ANKRD31: variants seen among roughly 807,000 people sequenced by gnomAD.
ANKRD31 encodes the protein ankyrin repeat domain-containing protein 31.
ANKRD31 carries 147 observed loss-of-function variants against 186.0 expected under a neutral mutation model. That is an observed-to-expected ratio of 0.79 (90% CI 0.69 to 0.91). The LOEUF (loss-of-function observed/expected upper bound fraction) is 0.91, where lower values mean the gene tolerates loss of function less well. Among genes scored for constraint, ANKRD31 ranks in the 40% least tolerant of loss-of-function variants. The pLI is 0.00. For synonymous variants in ANKRD31, 673 were observed against 736.4 expected (o/e 0.91, Z 1.39); for missense variants, 1,986 against 2,148.8 (o/e 0.92, Z 1.50).
chr5:75,236,639 C>G lies in ANKRD31; in HGVS notation c.48G>C (p.Val16=). The G allele has an allele frequency of 6.5e-7, 1 of 1,537,356 alleles. No homozygotes were observed. The highest frequency in any genetic ancestry group is 1.4e-5 in the African/African-American group (1 of 73,136). ...QAPDWDSDET[V]IEGSVTESDL... ...CGCTCTCCGTCACTGAACCCTCTAT[C>G]ACAGTTTCATCACTGTCCCAGTCTG... The change falls in exon 1 of 26, where the codon GTG becomes GTC. Residue 16 remains valine, a synonymous_variant. Coordinates refer to ENST00000506364, the MANE Select transcript of ANKRD31 (RefSeq NM_001372053.1).
At chr5:75,197,972 C>G (rs1393428964) in intron 6 of ANKRD31, among the ~76,000 whole-genome samples, 1 of 152,096 alleles carries the variant, frequency 6.6e-6, no homozygotes, top group Non-Finnish European at 1.5e-5. Flanking sequence ...GCAGCCAGAA[C>G]CTTGAACCAA....
intron 25 of ANKRD31, among the ~76,000 whole-genome samples, chr5:75,077,232 C>A (rs1222009907): frequency 1.3e-5 from 2 of 152,070 alleles, no homozygotes; most frequent in African/African-American, 2.4e-5. Flanking sequence ...CCATGCCCAG[C>A]CAATTTTTCC....
At chr5:75,156,459 G>A (rs538700017) in intron 11 of ANKRD31, among the ~76,000 whole-genome samples, 7 of 152,250 alleles carry the variant, frequency 4.6e-5, no homozygotes, top group East Asian at 1.9e-4. Flanking sequence ...AAGTTCCTCC[G>A]CACTTATCGT....
At chr5:75,118,344 A>AAACAG in intron 17 of ANKRD31, 47 bp from the exon 18 acceptor site, 1 of 1,334,170 alleles carries the variant, frequency 7.5e-7, no homozygotes, top group Non-Finnish European at 9.7e-7. Flanking sequence ...CCAAAGATGA[A>AAACAG]TAATTTCTGT....
In ANKRD31 at chr5:75,101,746, G is replaced by A. The variant is rs578008424; in HGVS notation, c.5331+2482C>T. Among the ~76,000 whole-genome samples, 12 of 152,240 alleles carry A rather than the reference G, an allele frequency of 7.9e-5. No individual in the cohort carries two copies. In the South Asian group the frequency reaches 1.2e-3, roughly 16 times the overall value. ...CTACTGAAGCTTGTGCATGCGTCAC[G>A]TAGTTCTCGTGCCATGGTTTTCAGC... On this transcript the variant is annotated intron_variant, in intron 22 of 25. Coordinates refer to ENST00000506364, the MANE Select transcript of ANKRD31 (RefSeq NM_001372053.1).
chr5:75,215,137 G>A (rs142884754), intron 3 of ANKRD31, among the ~76,000 whole-genome samples: 1 of 152,262 alleles, frequency 6.6e-6, no homozygotes, highest in East Asian at 1.9e-4. Flanking sequence ...AATCATCCGG[G>A]AGAGCTAATG....
Position 75,104,388 on chromosome 5 carries a change from T to A in ANKRD31, c.5171A>T (p.Asp1724Val), listed in dbSNP as rs1747156999. The A allele has an allele frequency of 1.3e-6, 2 of 1,537,118 alleles. No individual in the cohort carries two copies. The highest frequency in any genetic ancestry group is 2.7e-5 in the African/African-American group (2 of 73,036). The change falls in exon 22 of 26, where the codon GAC becomes GTC. Residue 1724 changes from aspartate to valine, a missense_variant. Coordinates refer to ENST00000506364, the MANE Select transcript of ANKRD31 (RefSeq NM_001372053.1). Reference sequence around the variant, plus strand: ...TCCAGAGGAAGAGGAGATCTGACTGTCATCTGCACATGGAACAACAGAAAC... The same window carrying A: ...TCCAGAGGAAGAGGAGATCTGACTGACATCTGCACATGGAACAACAGAAAC... ...KSVSVVPCAD[D>V]SQISSSSGSG...
Position 75,146,416 on chromosome 5 carries a change from C to G in ANKRD31, c.2995G>C (p.Asp999His), listed in dbSNP as rs1242832173. ...TGCTCAGGATTGCCATTTGAGTGAT[C>G]AAAAGAAGGTCCAAATATGCATTGT... ...YEQCIFGPSF[D>H]HSNGNPEQNS... The change falls in exon 14 of 26, where the codon GAT becomes CAT. Residue 999 changes from aspartate to histidine, a missense_variant. Coordinates refer to ENST00000506364, the MANE Select transcript of ANKRD31 (RefSeq NM_001372053.1). The G allele has an allele frequency of 2.6e-6, 4 of 1,536,324 alleles. No homozygotes were observed. Among genetic ancestry groups the G allele is most frequent in the Non-Finnish European group, 3.5e-6 (4 of 1,146,452 alleles).
chr5:75,210,533 T>C (rs1177912688), intron 4 of ANKRD31, among the ~76,000 whole-genome samples: 1 of 152,208 alleles, frequency 6.6e-6, no homozygotes, highest in Non-Finnish European at 1.5e-5. Context: ...TACAAATTCT[T>C]CCTTCATGCC....
intron 12 of ANKRD31, among the ~76,000 whole-genome samples, chr5:75,151,193 A>G (rs942671711): frequency 1.3e-5 from 2 of 152,016 alleles, no homozygotes; most frequent in African/African-American, 4.8e-5. Context: ...AAGAAAAACT[A>G]CTCTCACGAC....
rs1312950444 is a variant in ANKRD31 at position 75,137,878 on chromosome 5, G to A, written c.3854C>T (p.Ala1285Val). 3 of 1,529,406 alleles carry A rather than the reference G, an allele frequency of 2.0e-6. No homozygotes were observed. The highest frequency in any genetic ancestry group is 4.0e-5 in the Admixed American group (2 of 49,854). 94.7% of individuals were successfully genotyped at this position (1,529,406 alleles called of 1,614,324 possible). A position where few individuals can be genotyped will look rare whatever the true frequency, so the allele number is the denominator to read the frequency against. Residue 1285 changes from alanine (A) to valine (V), a missense_variant, in exon 17 of 26, where the codon GCT becomes GTT. By Grantham distance (64) the Ala-to-Val change is moderately conservative. Transcript: ENST00000506364. ...TACCTTTAAATGATTGTTTGCAACAGCATCATGTAAGGGCAGAATTCCATC... is the reference window on the plus strand; with the variant it reads ...TACCTTTAAATGATTGTTTGCAACAACATCATGTAAGGGCAGAATTCCATC... ...NIDGILPLHD[A>V]VANNHLKAAE...
intron 23 of ANKRD31, among the ~76,000 whole-genome samples, chr5:75,088,756 C>G (rs1046584206): frequency 4.6e-5 from 7 of 152,192 alleles, no homozygotes; most frequent in African/African-American, 1.7e-4. Context: ...CTTCCCAAAC[C>G]TTTGTTTTCA....
At chr5:75,199,773 A>T (rs1040377949) in intron 5 of ANKRD31, 99 bp from the exon 6 acceptor site, 3 of 709,408 alleles carry the variant, frequency 4.2e-6, no homozygotes, top group Admixed American at 3.0e-5. Context: ...AAACTCCCTC[A>T]GTCAAGTGAC....
chr5:75,217,624 C>A (rs971747440), intron 3 of ANKRD31, among the ~76,000 whole-genome samples: 2 of 152,114 alleles, frequency 1.3e-5, no homozygotes, highest in Admixed American at 6.5e-5. Flanking sequence ...TTTTCTCCAA[C>A]CTTTTATTTT....
chr5:75,230,684 A>G (rs1757894687), intron 1 of ANKRD31, 49 bp from the exon 2 acceptor site: 1 of 1,361,728 alleles, frequency 7.3e-7, no homozygotes, highest in African/African-American at 1.4e-5. Context: ...TGTCTTAAAC[A>G]AAGACTAACA....
intron 10 of ANKRD31, among the ~76,000 whole-genome samples, chr5:75,177,366 T>G (rs1187211356): frequency 2.6e-5 from 4 of 152,038 alleles, no homozygotes; most frequent in Non-Finnish European, 5.9e-5. Flanking sequence ...ACATTCAAAT[T>G]CAGGAAATAC....
intron 17 of ANKRD31, among the ~76,000 whole-genome samples, chr5:75,132,560 C>CA (rs1749960351): frequency 1.3e-5 from 2 of 151,792 alleles, no homozygotes; most frequent in Admixed American, 6.6e-5. Flanking sequence ...CTGAAAGTGA[C>CA]GGGAGAATGG....
At chr5:75,139,428 A>G (rs1750842034) in intron 15 of ANKRD31, among the ~76,000 whole-genome samples, 1 of 152,150 alleles carries the variant, frequency 6.6e-6, no homozygotes. Context: ...TTCTTTCACA[A>G]AATGTGCTGT....
At chr5:75,091,792 TGCTAAG>T (rs1180917614) in intron 22 of ANKRD31, among the ~76,000 whole-genome samples, 1 of 152,120 alleles carries the variant, frequency 6.6e-6, no homozygotes, top group Non-Finnish European at 1.5e-5. Context: ...CAGCTACTGT[TGCTAAG>T]GCTAAGTTGC....
Sources: allele counts gnomAD v4.1 joint callset (sites outside exome capture counted in the v4.1 genomes callset), GRCh38; gene constraint gnomAD v4.1.1; transcripts MANE v1.5; gene names NCBI Gene and HGNC (gene_info 2026-07-23, HGNC 2026-07-21).